NTRK2: variants seen among roughly 807,000 people sequenced by gnomAD.
The protein encoded by NTRK2 is BDNF/NT-3 growth factors receptor.
A neutral mutation model predicts 94.5 loss-of-function variants in NTRK2; 13 were observed. The ratio of observed to expected loss-of-function variants is 0.14; its 90% CI spans 0.09 to 0.22. NTRK2 has a LOEUF of 0.22. NTRK2 is among the 10% of genes least tolerant of loss of function. NTRK2 has a pLI of 1.00. For synonymous variants in NTRK2, 372 were observed against 407.4 expected (o/e 0.91, Z 1.05); for missense variants, 639 against 1,071.2 (o/e 0.60, Z 5.63).
chr9:84,710,969 T>C (rs1046200104), intron 6 of NTRK2, among the ~76,000 whole-genome samples, 178 bp downstream of exon 6: 10 of 152,244 alleles, frequency 6.6e-5, no homozygotes, highest in African/African-American at 2.4e-4. Context: ...AGAATATTAA[T>C]TCAGAGTGGA....
intron 12 of NTRK2, among the ~76,000 whole-genome samples, chr9:84,765,473 G>A (rs770326990): frequency 1.3e-5 from 2 of 152,156 alleles, no homozygotes; most frequent in Non-Finnish European, 2.9e-5. Context: ...GAAATCACTT[G>A]CAGCCTTTAT....
intron 2 of NTRK2, among the ~76,000 whole-genome samples, chr9:84,671,553 A>G (rs1447103688): frequency 6.6e-6 from 1 of 152,106 alleles, no homozygotes. Flanking sequence ...GTTGAAATGC[A>G]CTCGCTCAAA....
intron 13 of NTRK2, among the ~76,000 whole-genome samples, chr9:84,864,005 T>A (rs1302708155): frequency 6.6e-6 from 1 of 152,116 alleles, no homozygotes; most frequent in Non-Finnish European, 1.5e-5. Flanking sequence ...TATCCCTTAG[T>A]GAGGAAGGAG....
At chr9:84,828,401 G>A (rs1282234093) in intron 12 of NTRK2, among the ~76,000 whole-genome samples, 7 of 152,142 alleles carry the variant, frequency 4.6e-5, no homozygotes, top group Non-Finnish European at 1.0e-4. Flanking sequence ...GGGAAATTTT[G>A]CATTTCCATA....
chr9:84,833,957 G>A (rs2073724231), intron 12 of NTRK2, among the ~76,000 whole-genome samples: 1 of 152,184 alleles, frequency 6.6e-6, no homozygotes, highest in Admixed American at 6.5e-5. Flanking sequence ...GGGTGAGGAT[G>A]GGCACAGAGG....
At chr9:84,699,227 G>A (rs748851438) in intron 2 of NTRK2, among the ~76,000 whole-genome samples, 3 of 151,856 alleles carry the variant, frequency 2.0e-5, no homozygotes, top group Non-Finnish European at 2.9e-5. Flanking sequence ...TAGTTGAGAC[G>A]GGGTTTCACC....
At chr9:84,686,217 T>A (rs1167004382) in intron 2 of NTRK2, among the ~76,000 whole-genome samples, 1 of 152,168 alleles carries the variant, frequency 6.6e-6, no homozygotes, top group African/African-American at 2.4e-5. Context: ...AGCAAGAGAT[T>A]GATTAATTGT....
intron 9 of NTRK2, among the ~76,000 whole-genome samples, chr9:84,733,747 C>A (rs2063055574): frequency 1.3e-5 from 2 of 151,970 alleles, no homozygotes; most frequent in Admixed American, 1.3e-4. Context: ...TTAGGCAGGA[C>A]CCAGATGAAG....
chr9:84,947,927 G>T (rs537760278), intron 15 of NTRK2, among the ~76,000 whole-genome samples: 1 of 152,150 alleles, frequency 6.6e-6, no homozygotes, highest in Non-Finnish European at 1.5e-5. Flanking sequence ...CTCTTCTTGC[G>T]GCTTGCTGGG....
chr9:84,871,801 C>T, intron 14 of NTRK2: 1 of 1,613,644 alleles, frequency 6.2e-7, no homozygotes, highest in Non-Finnish European at 8.5e-7. Flanking sequence ...CCCAGAGGTT[C>T]CCCCAAGACC....
At chr9:84,848,495 G>C (rs1256871143) in intron 12 of NTRK2, among the ~76,000 whole-genome samples, 1 of 152,188 alleles carries the variant, frequency 6.6e-6, no homozygotes, top group Non-Finnish European at 1.5e-5. Flanking sequence ...TAGGGACCAA[G>C]AAGATTCCTG....
intron 2 of NTRK2, among the ~76,000 whole-genome samples, chr9:84,686,201 A>G (rs2059703129): frequency 6.6e-6 from 1 of 152,244 alleles, no homozygotes; most frequent in East Asian, 1.9e-4. Flanking sequence ...GTGTTAGTTC[A>G]TGCACAGCAA....
Position 84,753,370 on chromosome 9 carries a change from A to G in NTRK2, c.1396+1285A>G, listed in dbSNP as rs189437160. 2.6e-5 allele frequency among the ~76,000 whole-genome samples: 4 copies of G among 152,250 alleles called. No homozygotes were observed. In the East Asian group the frequency reaches 7.7e-4, roughly 29 times the overall value. Reference sequence around the variant, plus strand: ...TCCTATAGGACTTGAGAAAACACAGATTCCTGGGCTACCCCTAGAGTTTCT... The same window carrying G: ...TCCTATAGGACTTGAGAAAACACAGGTTCCTGGGCTACCCCTAGAGTTTCT... On this transcript the variant is annotated intron_variant, in intron 12 of 18. Transcript: ENST00000277120.
At chr9:84,831,012 T>TAA (rs1343220542) in intron 12 of NTRK2, among the ~76,000 whole-genome samples, 1 of 152,250 alleles carries the variant, frequency 6.6e-6, no homozygotes, top group Non-Finnish European at 1.5e-5. Context: ...TTCATGGAGT[T>TAA]AACATTTGTC....
intron 12 of NTRK2, chr9:84,812,922 A>G (rs199821686): frequency 9.7e-7 from 1 of 1,033,330 alleles, no homozygotes. Context: ...AGGCTATTAG[A>G]AAATTATTTC....
chr9:84,777,883 G>A (rs2067205826), intron 12 of NTRK2, among the ~76,000 whole-genome samples: 1 of 152,182 alleles, frequency 6.6e-6, no homozygotes, highest in Non-Finnish European at 1.5e-5. Context: ...TGCCCCCGGT[G>A]ATTCAAGCTA....
Position 84,915,489 on chromosome 9 carries a change from G to A in NTRK2, c.1634-18673G>A, listed in dbSNP as rs545174759. On this transcript the variant is annotated intron_variant, in intron 14 of 18. Coordinates refer to ENST00000277120, the MANE Select transcript of NTRK2 (RefSeq NM_006180.6). The stretch of plus-strand genomic sequence containing the variant: ...TCTTGCTGCCACTCTTTCTAGCCAC[G>A]TGTTCTCTGCTCAGGCCAGCTCCCT... Among the ~76,000 whole-genome samples the A allele has an allele frequency of 9.8e-4, 149 of 152,278 alleles. 5 individuals carry two copies. The South Asian group carries it at 0.03, about 31-fold the overall frequency.
At chr9:84,772,527 T>C (rs532106283) in intron 12 of NTRK2, among the ~76,000 whole-genome samples, 2 of 152,290 alleles carry the variant, frequency 1.3e-5, no homozygotes, top group South Asian at 4.2e-4. Flanking sequence ...ATAAACATTT[T>C]ACTGAGCATG....
chr9:84,827,905 G>A (rs2073290269), intron 12 of NTRK2, among the ~76,000 whole-genome samples: 1 of 152,146 alleles, frequency 6.6e-6, no homozygotes, highest in African/African-American at 2.4e-5. Flanking sequence ...GAAAGGCTCT[G>A]AGCATTGCCC....
Sources: allele counts gnomAD v4.1 joint callset (sites outside exome capture counted in the v4.1 genomes callset), GRCh38; gene constraint gnomAD v4.1.1; transcripts MANE v1.5; gene names NCBI Gene and HGNC (gene_info 2026-07-23, HGNC 2026-07-21).